CADPS2: variants seen among roughly 807,000 people sequenced by gnomAD.
CADPS2 encodes calcium dependent secretion activator 2, also known as calcium-dependent secretion activator 2.
In CADPS2, 93 loss-of-function variants were observed where a neutral mutation model predicts 172.5. The ratio of observed to expected loss-of-function variants is 0.54; its 90% CI spans 0.46 to 0.64. The LOEUF is 0.64. Ranked by LOEUF, CADPS2 falls within the 30% of genes least tolerant of loss-of-function variation. The pLI is 0.00. For missense variants in CADPS2, 1,420 were observed against 1,565.9 expected (o/e 0.91, Z 1.57); for synonymous variants, 546 against 555.2 (o/e 0.98, Z 0.23).
chr7:122,822,829 C>T (rs1320803285), intron 1 of CADPS2, among the ~76,000 whole-genome samples: 2 of 151,914 alleles, frequency 1.3e-5, no homozygotes, highest in African/African-American at 4.8e-5. Context: ...GAGAACCCCC[C>T]TTTGACTGTA....
intron 2 of CADPS2, among the ~76,000 whole-genome samples, chr7:122,701,187 T>C (rs2086002109): frequency 6.6e-6 from 1 of 152,160 alleles, no homozygotes; most frequent in South Asian, 2.1e-4. Flanking sequence ...CTAATGTTCT[T>C]ATTTGGATAA....
In CADPS2 at chr7:122,407,619, A is replaced by T. The variant is rs767656164; in HGVS notation, c.2667T>A (p.Thr889=). 83 of 1,612,148 alleles carry T rather than the reference A, an allele frequency of 5.1e-5. No individual in the cohort carries two copies. The East Asian group carries it at 1.8e-3, about 35-fold the overall frequency. ...AGTCTTGCGGTTGAGCCTCTAGTGC[A>T]GTGTCCATATCCACTGTAAATAAAG... ...FWALFTVDMD[T]ALEAQPQDSW... is the part of the protein sequence containing the mutation. Residue 889 remains threonine (T), a synonymous_variant, in exon 20 of 30, where the codon ACT becomes ACA. Transcript: ENST00000449022.
At chr7:122,648,903 G>A (rs760340629) in intron 3 of CADPS2, among the ~76,000 whole-genome samples, 18 of 152,114 alleles carry the variant, frequency 1.2e-4, no homozygotes, top group African/African-American at 3.6e-4. Flanking sequence ...GTAGTGCTTG[G>A]AGAGATTACC....
At chr7:122,538,046 C>T (rs919876833) in intron 8 of CADPS2, among the ~76,000 whole-genome samples, 3 of 151,118 alleles carry the variant, frequency 2.0e-5, no homozygotes, top group African/African-American at 7.3e-5. Context: ...TCAAAAATAC[C>T]TCCCCTTACC....
chr7:122,425,641 A>G (rs1240515062), intron 17 of CADPS2, among the ~76,000 whole-genome samples: 1 of 151,046 alleles, frequency 6.6e-6, no homozygotes, highest in East Asian at 1.9e-4. Context: ...CATATACACA[A>G]TATATGTGTA....
chr7:122,580,789 T>G (rs1016616634), intron 7 of CADPS2, among the ~76,000 whole-genome samples: 1 of 152,058 alleles, frequency 6.6e-6, no homozygotes, highest in African/African-American at 2.4e-5. Context: ...ACAATGAACA[T>G]GAAGAGCAGA....
intron 3 of CADPS2, among the ~76,000 whole-genome samples, chr7:122,662,687 GTA>G (rs2080735990): frequency 2.0e-5 from 3 of 151,828 alleles, no homozygotes; most frequent in Admixed American, 1.3e-4. Flanking sequence ...TCCCATTTTT[GTA>G]TGTATAACTA....
intron 25 of CADPS2, among the ~76,000 whole-genome samples, chr7:122,375,448 G>A (rs915839033): frequency 1.3e-5 from 2 of 151,876 alleles, no homozygotes; most frequent in African/African-American, 2.4e-5. Context: ...ACACACATAC[G>A]GTCAACTGAT....
At chr7:122,391,555 T>C (rs909269299) in intron 22 of CADPS2, among the ~76,000 whole-genome samples, 6 of 152,224 alleles carry the variant, frequency 3.9e-5, no homozygotes, top group African/African-American at 1.4e-4. Context: ...AGGTTCATTA[T>C]AGTTTGTAGG....
chr7:122,364,008 GA>G lies in CADPS2; in HGVS notation c.3388-2996del, dbSNP rs552645089. Among the ~76,000 whole-genome samples the G allele has an allele frequency of 4.6e-3, 700 of 152,258 alleles. 4 individuals carry two copies. Among genetic ancestry groups the G allele is most frequent in the Non-Finnish European group, 6.6e-3 (451 of 68,022 alleles). ...GTTATTTGGCAGACGGCAGAAGGAGGAAGGCTTTAAACACAGGTGGTCTTGA... is the reference window on the plus strand; with the variant it reads ...GTTATTTGGCAGACGGCAGAAGGAGGAGGCTTTAAACACAGGTGGTCTTGA... On this transcript the variant is annotated intron_variant, in intron 25 of 29. Transcript: ENST00000449022.
chr7:122,480,787 C>T (rs1720309112), intron 12 of CADPS2, 65 bp downstream of exon 12: 2 of 1,125,414 alleles, frequency 1.8e-6, no homozygotes, highest in African/African-American at 1.6e-5. Flanking sequence ...CATGATATTC[C>T]TCAAACATAG....
chr7:122,379,172 T>C (rs1563190346), intron 25 of CADPS2, 196 bp downstream of exon 25: 3 of 421,122 alleles, frequency 7.1e-6, no homozygotes, highest in East Asian at 4.0e-5. Flanking sequence ...AAATTTATTA[T>C]ATACAAAAAA....
chr7:122,690,900 G>C (rs983203387), intron 2 of CADPS2, among the ~76,000 whole-genome samples: 1 of 152,158 alleles, frequency 6.6e-6, no homozygotes, highest in Admixed American at 6.5e-5. Context: ...GGCAGCACAA[G>C]TATCTCGACT....
intron 3 of CADPS2, among the ~76,000 whole-genome samples, chr7:122,660,014 A>C (rs1007793489): frequency 6.6e-6 from 1 of 152,230 alleles, no homozygotes; most frequent in Non-Finnish European, 1.5e-5. Flanking sequence ...AGTTCTTCAG[A>C]GATAAGGAAA....
intron 6 of CADPS2, among the ~76,000 whole-genome samples, chr7:122,587,338 TCCCAC>T (rs1297325567): frequency 2.6e-5 from 4 of 152,144 alleles, no homozygotes; most frequent in African/African-American, 9.7e-5. Context: ...ACTGCTCAGC[TCCCAC>T]ATATAAGTGA....
intron 3 of CADPS2, among the ~76,000 whole-genome samples, chr7:122,655,112 T>C (rs771980303): frequency 6.6e-6 from 1 of 152,212 alleles, no homozygotes; most frequent in Non-Finnish European, 1.5e-5. Context: ...TTGCTTCTTA[T>C]GGACGAACAA....
intron 20 of CADPS2, among the ~76,000 whole-genome samples, chr7:122,407,184 T>C (rs1013359411): frequency 6.6e-6 from 1 of 152,166 alleles, no homozygotes; most frequent in African/African-American, 2.4e-5. Context: ...AATAATGAAT[T>C]ATTAAGGTCT....
chr7:122,878,234 TG>T (rs1194768561), intron 1 of CADPS2, among the ~76,000 whole-genome samples: 1 of 118,798 alleles, frequency 8.4e-6, no homozygotes, highest in Non-Finnish European at 1.6e-5. Context: ...CACTCCAGCC[TG>T]GCGACAGAGC....
intron 14 of CADPS2, among the ~76,000 whole-genome samples, chr7:122,470,082 A>T (rs1156929237): frequency 1.3e-5 from 2 of 152,228 alleles, no homozygotes; most frequent in Admixed American, 1.3e-4. Context: ...TGTTGATGCT[A>T]TCACTTGGAA....
Sources: allele counts gnomAD v4.1 joint callset (sites outside exome capture counted in the v4.1 genomes callset), GRCh38; gene constraint gnomAD v4.1.1; transcripts MANE v1.5; gene names NCBI Gene and HGNC (gene_info 2026-07-23, HGNC 2026-07-21).